Variants in TNRC6C observed in about 807,000 individuals in gnomAD.
TNRC6C encodes the protein trinucleotide repeat containing adaptor 6C, also known as trinucleotide repeat-containing gene 6C protein.
In TNRC6C, 20 loss-of-function variants were observed where a neutral mutation model predicts 153.7. The ratio of observed to expected loss-of-function variants is 0.13; its 90% CI spans 0.09 to 0.19. The LOEUF (loss-of-function observed/expected upper bound fraction) is 0.19, where lower values mean the gene tolerates loss of function less well. Ranked by LOEUF, TNRC6C falls within the 10% of genes least tolerant of loss-of-function variation. The pLI is 1.00. For missense variants in TNRC6C, 1,987 were observed against 2,172.0 expected (o/e 0.91, Z 1.69); for synonymous variants, 811 against 841.4 (o/e 0.96, Z 0.63).
At chr17:77,983,818 T>C (rs1337162992) in intron 1 of TNRC6C, among the ~76,000 whole-genome samples, 3 of 152,212 alleles carry the variant, frequency 2.0e-5, no homozygotes, top group African/African-American at 4.8e-5. Flanking sequence ...ATTTGATCTT[T>C]AGAGAACAGA....
intron 1 of TNRC6C, among the ~76,000 whole-genome samples, chr17:78,007,736 G>A (rs1184140827): frequency 6.6e-6 from 1 of 152,210 alleles, no homozygotes; most frequent in Non-Finnish European, 1.5e-5. Flanking sequence ...GAGAGAAGCT[G>A]CAGTTATAAA....
At chr17:78,050,815 G>A in exon 3 of TNRC6C, 2 of 1,613,492 alleles carry the variant, frequency 1.2e-6, no homozygotes, top group Non-Finnish European at 1.7e-6. Flanking sequence ...CTGGGGAGAT[G>A]GACAAAGATC....
intron 2 of TNRC6C, among the ~76,000 whole-genome samples, chr17:78,035,510 C>A (rs1038029389): frequency 6.6e-6 from 1 of 152,128 alleles, no homozygotes; most frequent in Non-Finnish European, 1.5e-5. Flanking sequence ...CAAATATGTA[C>A]CCATCTTTGA....
chr17:77,961,581 T>C (rs2070863086), intron 1 of TNRC6C, among the ~76,000 whole-genome samples: 1 of 152,232 alleles, frequency 6.6e-6, no homozygotes, highest in Admixed American at 6.5e-5. Flanking sequence ...CTGGAGTATA[T>C]GTAAGTGTTG....
chr17:77,958,769 GCCGCCGCCGCCGGCC>G (rs955643758), upstream of TNRC6C, among the ~76,000 whole-genome samples: 4 of 141,918 alleles, frequency 2.8e-5, no homozygotes, highest in East Asian at 5.9e-4. Flanking sequence ...GGGAGCCGTA[GCCGCCGCCGCCGGCC>G]CCGCCGCCGC....
intron 1 of TNRC6C, among the ~76,000 whole-genome samples, chr17:78,011,584 C>T (rs1449257074): frequency 6.6e-6 from 1 of 152,172 alleles, no homozygotes; most frequent in African/African-American, 2.4e-5. Flanking sequence ...CTTCATTCTC[C>T]TGTTCATGGA....
intron 13 of TNRC6C, among the ~76,000 whole-genome samples, chr17:78,089,124 C>T (rs147462357): frequency 1.2e-3 from 180 of 152,012 alleles, no homozygotes; most frequent in Non-Finnish European, 1.8e-3. Context: ...TGCATCACCA[C>T]GCCTGGCTAA....
chr17:78,069,639 TAAC>T (rs546882081), intron 5 of TNRC6C, among the ~76,000 whole-genome samples: 15 of 152,352 alleles, frequency 9.8e-5, no homozygotes, highest in East Asian at 1.9e-4. Context: ...AGTAAAAAGA[TAAC>T]AATAATTTAT....
At chr17:77,974,833 C>T (rs1328446182) in intron 1 of TNRC6C, among the ~76,000 whole-genome samples, 1 of 152,156 alleles carries the variant, frequency 6.6e-6, no homozygotes, top group African/African-American at 2.4e-5. Flanking sequence ...GAGGAGAAAA[C>T]AGAGACCTAA....
chr17:78,062,606 A>C (rs930269012), intron 3 of TNRC6C, among the ~76,000 whole-genome samples: 19 of 152,224 alleles, frequency 1.2e-4, no homozygotes, highest in African/African-American at 4.1e-4. Context: ...TCAACATATC[A>C]ACAGTGTCAG....
At chr17:78,041,789 G>GT (rs2072301363) in intron 2 of TNRC6C, among the ~76,000 whole-genome samples, 1 of 152,194 alleles carries the variant, frequency 6.6e-6, no homozygotes, top group South Asian at 2.1e-4. Flanking sequence ...GTAAGCCTTA[G>GT]TAAACGTATA....
Position 78,046,398 on chromosome 17 carries a change from G to A in TNRC6C, c.-218-2447G>A, listed in dbSNP as rs550519675. Among the ~76,000 whole-genome samples, 790 of 152,076 alleles carry A rather than the reference G, an allele frequency of 5.2e-3. 7 individuals are homozygous for A. The highest frequency in any genetic ancestry group is 0.018 in the African/African-American group (757 of 41,464). ...TCACCATGTTGGCCAGGCTGGTCTC[G>A]AACTCCTGACCTCAGGTGATCCACC... On this transcript the variant is annotated intron_variant, in intron 2 of 19. Transcript: ENST00000301624.
At chr17:77,963,020 A>G (rs926909698) in intron 1 of TNRC6C, among the ~76,000 whole-genome samples, 3 of 152,240 alleles carry the variant, frequency 2.0e-5, no homozygotes, top group East Asian at 3.8e-4. Flanking sequence ...TACTCAGTCT[A>G]TGGCTATCCA....
chr17:78,028,870 T>A (rs2072000087), intron 1 of TNRC6C, among the ~76,000 whole-genome samples: 1 of 152,190 alleles, frequency 6.6e-6, no homozygotes, highest in African/African-American at 2.4e-5. Context: ...TGTAATGTCC[T>A]GGATAATGAT....
At chr17:78,018,567 A>G (rs2071774063) in intron 1 of TNRC6C, among the ~76,000 whole-genome samples, 1 of 152,162 alleles carries the variant, frequency 6.6e-6, no homozygotes, top group Non-Finnish European at 1.5e-5. Context: ...TGGTAGGCAG[A>G]TTGCATGGGA....
chr17:78,057,575 C>T (rs147191175), intron 3 of TNRC6C, among the ~76,000 whole-genome samples: 1 of 152,360 alleles, frequency 6.6e-6, no homozygotes, highest in East Asian at 1.9e-4. Flanking sequence ...TGCCCACTGG[C>T]TTGAATGCCT....
chr17:78,037,696 G>C (rs939737563), intron 2 of TNRC6C, among the ~76,000 whole-genome samples: 2 of 152,194 alleles, frequency 1.3e-5, no homozygotes, highest in African/African-American at 4.8e-5. Flanking sequence ...GAAGTTGGCT[G>C]TTGGTATTAC....
At chr17:78,103,768 T>TA (rs1331147551) in intron 19 of TNRC6C, among the ~76,000 whole-genome samples, 3 of 152,224 alleles carry the variant, frequency 2.0e-5, no homozygotes, top group African/African-American at 7.2e-5. Context: ...TGTAGACAGC[T>TA]GCCTTCTCCC....
chr17:78,075,284 A>C lies in TNRC6C; in HGVS notation c.3060+6A>C. 1 of 1,577,846 alleles carries C rather than the reference A, an allele frequency of 6.3e-7. No homozygotes were observed. Among genetic ancestry groups the C allele is most frequent in the Non-Finnish European group, 8.6e-7 (1 of 1,160,746 alleles). On this transcript the variant is annotated splice_donor_region_variant and intron_variant, in intron 8 of 19. Transcript: ENST00000301624. The surrounding 1 kb of genome is among the most constrained non-coding windows in gnomAD (Gnocchi z 4.2). The stretch of plus-strand genomic sequence containing the variant: ...GCCCCACCTTTCTTGACAAGGTATG[A>C]ATATAGGTGGTTTGTTGTTTTTGCT...
Sources: gnomAD v4.1 joint callset for allele counts (sites outside exome capture counted in the v4.1 genomes callset) on GRCh38, gnomAD v4.1.1 for gene constraint, Gnocchi (gnomAD v3.1) non-coding constraint, MANE v1.5 for transcripts, NCBI Gene and HGNC (gene_info 2026-07-23, HGNC 2026-07-21) for gene names.